HUWE1: variants seen among roughly 807,000 people sequenced by gnomAD.
HUWE1 encodes E3 ubiquitin-protein ligase HUWE1.
In HUWE1, 18 loss-of-function variants were observed where a neutral mutation model predicts 299.4. The ratio of observed to expected loss-of-function variants is 0.06; its 90% CI spans 0.04 to 0.09. The LOEUF (loss-of-function observed/expected upper bound fraction) is 0.09, where lower values mean the gene tolerates loss of function less well. Ranked by LOEUF, HUWE1 falls within the 10% of genes least tolerant of loss-of-function variation. HUWE1 has a pLI of 1.00. For synonymous variants in HUWE1, 1,317 were observed against 1,286.1 expected (o/e 1.02, Z -0.51); for missense variants, 1,832 against 3,462.3 (o/e 0.53, Z 11.82).
At chrX:53,557,512 A>G in intron 59 of HUWE1, 85 bp from the exon 60 acceptor site, 1 of 745,358 alleles carries the variant, frequency 1.3e-6, no homozygotes, top group African/African-American at 2.0e-5. Context: ...TCCTCCACCC[A>G]GACCATCTAG....
intron 7 of HUWE1, among the ~76,000 whole-genome samples, chrX:53,636,409 C>T (rs1391487133): frequency 2.7e-5 from 3 of 112,674 alleles, no homozygotes; most frequent in Non-Finnish European, 3.8e-5. Context: ...ATACAAGGTT[C>T]GACATTCATT....
At chrX:53,533,486 C>G (rs1222732594) in intron 83 of HUWE1, 75 bp from the exon 84 acceptor site, 24 of 686,621 alleles carry the variant, frequency 3.5e-5, no homozygotes, top group Non-Finnish European at 4.4e-5. Flanking sequence ...ATGGTGCCCA[C>G]CAGCCCCTCC....
chrX:53,682,815 A>G (rs1557053971), intron 2 of HUWE1, among the ~76,000 whole-genome samples: 1 of 111,485 alleles, frequency 9.0e-6, no homozygotes, highest in African/African-American at 3.3e-5. Flanking sequence ...GGCAGGGAAG[A>G]CAGAAAGCGG....
At chrX:53,534,431 T>G in intron 82 of HUWE1, 85 bp downstream of exon 82, 1 of 867,482 alleles carries the variant, frequency 1.2e-6, no homozygotes, top group Non-Finnish European at 1.7e-6. Flanking sequence ...CCTCTAAGAG[T>G]ACTACTGGTT....
At chrX:53,642,349 T>C (rs2149212089) in intron 7 of HUWE1, among the ~76,000 whole-genome samples, 1 of 112,465 alleles carries the variant, frequency 8.9e-6, no homozygotes, top group South Asian at 3.7e-4. Context: ...GCTTTTACTT[T>C]TTTATGCACT....
chrX:53,539,024 T>G lies in HUWE1; in HGVS notation c.11689A>C (p.Lys3897Gln). ...TCACGGGTGTCTCGGACAGGAGGCTTGCTCTCCCGCTCTGTGGCATGGACC... is the reference window on the plus strand; with the variant it reads ...TCACGGGTGTCTCGGACAGGAGGCTGGCTCTCCCGCTCTGTGGCATGGACC... Reference protein sequence around the residue: ...FLVHATERESKPPVRDTRESQ... With the variant: ...FLVHATERESQPPVRDTRESQ... Residue 3897 changes from lysine (K) to glutamine (Q), a missense_variant, in exon 76 of 84, where the codon AAG becomes CAG. Physicochemically the swap from Lys to Gln is moderately conservative, Grantham distance 53 (BLOSUM62 1). This residue lies in a region of HUWE1 where 129 missense variants were observed against 439.4 expected (regional missense o/e 0.29). Transcript: ENST00000262854. 1 of 1,208,652 alleles carries G rather than the reference T, an allele frequency of 8.3e-7. No homozygotes were observed.
At chrX:53,630,043 C>A (rs2066766105) in intron 12 of HUWE1, among the ~76,000 whole-genome samples, 1 of 112,272 alleles carries the variant, frequency 8.9e-6, no homozygotes, top group African/African-American at 3.2e-5. Context: ...ATTTGTGTGA[C>A]ACTGTAGTAA....
chrX:53,534,816 C>T, intron 81 of HUWE1, 119 bp from the exon 82 acceptor site: 1 of 604,662 alleles, frequency 1.7e-6, no homozygotes, highest in Non-Finnish European at 2.6e-6. Flanking sequence ...TGCACCACCA[C>T]AACTGGTTAA....
At position 53,589,646 on chromosome X, in the gene HUWE1, C is replaced by G. The variant is rs1426168752; in HGVS notation, c.4362G>C (p.Leu1454=). The change falls in exon 36 of 84, where the codon CTG becomes CTC. Residue 1454 remains leucine (L), a synonymous_variant. Coordinates refer to ENST00000262854, the MANE Select transcript of HUWE1 (RefSeq NM_031407.7). ...LPGCFHLLDE[L]PDTVYRVCDL... ...CACACACACGGTATACTGTGTCTGG[C>G]AGCTCATCAAGAAGGTGGAAGCAGC... 7 of 1,208,908 alleles carry G rather than the reference C, an allele frequency of 5.8e-6. No homozygotes were observed. The Admixed American group carries it at 6.6e-5, about 11-fold the overall frequency.
At chrX:53,576,213 CT>C (rs1439382763) in intron 44 of HUWE1, among the ~76,000 whole-genome samples, 3 of 112,121 alleles carry the variant, frequency 2.7e-5, no homozygotes, top group African/African-American at 9.7e-5. Context: ...ACTCAGATTT[CT>C]TTTGCTTATT....
At chrX:53,681,121 T>C (rs782722753) in intron 2 of HUWE1, among the ~76,000 whole-genome samples, 3 of 110,715 alleles carry the variant, frequency 2.7e-5, no homozygotes, top group Non-Finnish European at 5.7e-5. Context: ...AAAAAAAAAT[T>C]GTAAAATGCT....
chrX:53,549,743 G>GCC (rs781934827), intron 66 of HUWE1, among the ~76,000 whole-genome samples: 1 of 108,912 alleles, frequency 9.2e-6, no homozygotes, highest in African/African-American at 3.4e-5. Flanking sequence ...AGAGAATGAA[G>GCC]CCCCCCACCC....
intron 7 of HUWE1, among the ~76,000 whole-genome samples, chrX:53,640,483 C>T (rs1383245919): frequency 8.9e-6 from 1 of 111,739 alleles, no homozygotes; most frequent in Non-Finnish European, 1.9e-5. Flanking sequence ...ATTGGAGGTA[C>T]CATTACTAAA....
intron 47 of HUWE1, 87 bp from the exon 48 acceptor site, chrX:53,569,914 T>A: frequency 1.2e-6 from 1 of 801,608 alleles, no homozygotes; most frequent in Non-Finnish European, 1.9e-6. Context: ...ACACACATAG[T>A]ATTTCCTTAA....
chrX:53,576,792 G>T, intron 44 of HUWE1, 108 bp downstream of exon 44: 1 of 752,177 alleles, frequency 1.3e-6, no homozygotes, highest in Non-Finnish European at 2.1e-6. Flanking sequence ...GAGCCCCAGA[G>T]TATGGGCACA....
In HUWE1 at chrX:53,625,252, T is replaced by C; in HGVS notation, c.1496A>G (p.Gln499Arg). The C allele has an allele frequency of 8.5e-7, 1 of 1,169,966 alleles. No homozygotes were observed. The highest frequency in any genetic ancestry group is 1.2e-6 in the Non-Finnish European group (1 of 857,272). The change falls in exon 18 of 84, where the codon CAG (glutamine) becomes CGG (arginine). Residue 499 changes from glutamine to arginine, a missense_variant. By Grantham distance (43) the Gln-to-Arg change is conservative. Transcript: ENST00000262854. ...EEMETDMDGV[Q>R]CIPQRAALLK... ...AAGTGCTGCTCGTTGTGGAATACACTGGACTCCTGGCAATGAAGAAAGACA... is the reference window on the plus strand; with the variant it reads ...AAGTGCTGCTCGTTGTGGAATACACCGGACTCCTGGCAATGAAGAAAGACA...
chrX:53,683,782 C>T, intron 2 of HUWE1: 1 of 282,974 alleles, frequency 3.5e-6, no homozygotes, highest in Admixed American at 6.2e-5. Context: ...TGTGCTGGGT[C>T]CTGGCCGGAC....
intron 23 of HUWE1, among the ~76,000 whole-genome samples, chrX:53,612,312 G>A (rs1045267887): frequency 5.4e-5 from 6 of 111,977 alleles, no homozygotes; most frequent in Non-Finnish European, 9.4e-5. Context: ...CCAGAATGTA[G>A]AAAACTACTG....
chrX:53,674,249 C>T (rs1285215021), intron 3 of HUWE1, among the ~76,000 whole-genome samples: 2 of 111,329 alleles, frequency 1.8e-5, no homozygotes, highest in African/African-American at 6.5e-5. Context: ...TAAACACTAC[C>T]CTTATCATTA....
Sources: gnomAD v4.1 joint callset for allele counts (sites outside exome capture counted in the v4.1 genomes callset) on GRCh38, gnomAD v4.1.1 for gene constraint, gnomAD v4.1.1 regional missense constraint, MANE v1.5 for transcripts, NCBI Gene and HGNC (gene_info 2026-07-23, HGNC 2026-07-21) for gene names.